The following ITGBL1 variants were observed in gnomAD, a reference collection of about 807,000 sequenced individuals.
ITGBL1 encodes integrin subunit beta like 1.
A neutral mutation model predicts 68.5 loss-of-function variants in ITGBL1; 51 were observed. That is an observed-to-expected ratio of 0.74 (90% CI 0.59 to 0.94). The LOEUF (loss-of-function observed/expected upper bound fraction) is 0.94, where lower values mean the gene tolerates loss of function less well. ITGBL1 is among the 40% of genes least tolerant of loss of function. The pLI is 0.00. For missense variants in ITGBL1, 649 were observed against 647.4 expected (o/e 1.00, Z -0.03); for synonymous variants, 209 against 227.3 (o/e 0.92, Z 0.72).
chr13:101,688,677 G>C (rs1442866657), intron 7 of ITGBL1, among the ~76,000 whole-genome samples: 1 of 152,038 alleles, frequency 6.6e-6, no homozygotes, highest in Non-Finnish European at 1.5e-5. Context: ...AAGAAGAGTA[G>C]GTTTGTGAAT....
intron 7 of ITGBL1, among the ~76,000 whole-genome samples, chr13:101,605,896 G>C (rs1037754701): frequency 1.4e-5 from 2 of 147,844 alleles, no homozygotes; most frequent in African/African-American, 4.9e-5. Context: ...ACATGTATGC[G>C]TGCATGTGTA....
chr13:101,545,393 G>C (rs375597092), intron 2 of ITGBL1, among the ~76,000 whole-genome samples: 52 of 152,222 alleles, frequency 3.4e-4, no homozygotes, highest in African/African-American at 1.3e-3. Context: ...AAGTAATCAA[G>C]TGTTACACCA....
chr13:101,659,105 G>A (rs953983001), intron 7 of ITGBL1, among the ~76,000 whole-genome samples: 3 of 146,318 alleles, frequency 2.1e-5, no homozygotes, highest in African/African-American at 5.1e-5. Context: ...GAGCTGGAGT[G>A]CAGTGGGGCG....
At chr13:101,656,625 T>C (rs926766000) in intron 7 of ITGBL1, among the ~76,000 whole-genome samples, 2 of 152,160 alleles carry the variant, frequency 1.3e-5, no homozygotes. Flanking sequence ...TGCATTTTCA[T>C]AAAAAAGTAA....
chr13:101,679,877 A>G (rs2033600476), intron 7 of ITGBL1, among the ~76,000 whole-genome samples: 1 of 152,198 alleles, frequency 6.6e-6, no homozygotes. Flanking sequence ...TAAGACAGAG[A>G]AGAGAAAATT....
intron 8 of ITGBL1, among the ~76,000 whole-genome samples, chr13:101,704,439 G>A (rs1281653288): frequency 8.7e-6 from 1 of 114,638 alleles, no homozygotes; most frequent in African/African-American, 3.2e-5. Context: ...TAAAAAAGAT[G>A]ATTAAAGATA....
In ITGBL1 at chr13:101,697,101, T is replaced by C. The variant is rs1718031295; in HGVS notation, c.1132+4400T>C. 2.0e-5 allele frequency among the ~76,000 whole-genome samples: 3 copies of C among 152,046 alleles called. No individual in the cohort carries two copies. In the South Asian group the frequency reaches 6.2e-4, roughly 32 times the overall value. ...CTTCTGTACCCATCATTAGAAAGGA[T>C]TTTTTTCACATATTACTTACTCATG... On this transcript the variant is annotated intron_variant, in intron 8 of 10. Coordinates refer to ENST00000376180, the MANE Select transcript of ITGBL1 (RefSeq NM_004791.3).
intron 2 of ITGBL1, among the ~76,000 whole-genome samples, chr13:101,460,017 C>G (rs2048297004): frequency 6.6e-6 from 1 of 152,074 alleles, no homozygotes; most frequent in African/African-American, 2.4e-5. Context: ...CTTCCAATTG[C>G]ATTTTTCTTA....
At chr13:101,600,179 A>G (rs1385659934) in intron 7 of ITGBL1, among the ~76,000 whole-genome samples, 2 of 152,062 alleles carry the variant, frequency 1.3e-5, no homozygotes, top group Admixed American at 1.3e-4. Flanking sequence ...ATTGCTAGGT[A>G]TTTTATTCTC....
At chr13:101,568,970 T>C (rs1471543941) in intron 3 of ITGBL1, among the ~76,000 whole-genome samples, 1 of 151,134 alleles carries the variant, frequency 6.6e-6, no homozygotes, top group African/African-American at 2.4e-5. Flanking sequence ...ACTTCAGTCT[T>C]TCTTTCTTCT....
At chr13:101,474,679 G>A (rs531663219) in intron 2 of ITGBL1, among the ~76,000 whole-genome samples, 2 of 152,238 alleles carry the variant, frequency 1.3e-5, no homozygotes, top group South Asian at 4.2e-4. Flanking sequence ...GTTGCAACAG[G>A]GGTGCTTGTG....
intron 7 of ITGBL1, among the ~76,000 whole-genome samples, chr13:101,601,441 T>A (rs779686617): frequency 1.3e-4 from 20 of 152,322 alleles, no homozygotes; most frequent in African/African-American, 2.6e-4. Flanking sequence ...TTCCTTCAGT[T>A]CTGCTCTGAT....
intron 3 of ITGBL1, among the ~76,000 whole-genome samples, chr13:101,569,156 T>A (rs944035490): frequency 6.6e-6 from 1 of 151,944 alleles, no homozygotes; most frequent in Admixed American, 6.6e-5. Flanking sequence ...GCGTCTTTCA[T>A]CTTGAAAAAA....
At chr13:101,572,579 A>G (rs2050290917) in intron 3 of ITGBL1, among the ~76,000 whole-genome samples, 1 of 152,038 alleles carries the variant, frequency 6.6e-6, no homozygotes, top group Admixed American at 6.6e-5. Flanking sequence ...CACGAGAGAG[A>G]AGCTGTGTGT....
chr13:101,562,862 C>T (rs147945264), intron 2 of ITGBL1, among the ~76,000 whole-genome samples: 1 of 151,566 alleles, frequency 6.6e-6, no homozygotes, highest in Non-Finnish European at 1.5e-5. Context: ...TTAAAATGCA[C>T]AAGGAAAATT....
intron 7 of ITGBL1, among the ~76,000 whole-genome samples, chr13:101,672,009 T>C (rs767220581): frequency 2.0e-5 from 3 of 152,198 alleles, no homozygotes; most frequent in Non-Finnish European, 4.4e-5. Context: ...CTTTTTAGTC[T>C]CAAGAGATAT....
chr13:101,494,575 A>G (rs1160342342), intron 2 of ITGBL1, among the ~76,000 whole-genome samples: 2 of 152,216 alleles, frequency 1.3e-5, no homozygotes, highest in Non-Finnish European at 2.9e-5. Flanking sequence ...TCTTAAGACA[A>G]TAATCCAGAA....
intron 7 of ITGBL1, among the ~76,000 whole-genome samples, chr13:101,666,244 G>T (rs770982425): frequency 6.6e-6 from 1 of 152,118 alleles, no homozygotes; most frequent in Non-Finnish European, 1.5e-5. Context: ...CCAACTGAAT[G>T]AACCCTTTGT....
intron 2 of ITGBL1, among the ~76,000 whole-genome samples, chr13:101,556,557 C>T (rs1027567183): frequency 1.3e-5 from 2 of 152,048 alleles, no homozygotes; most frequent in Non-Finnish European, 2.9e-5. Flanking sequence ...GCTTGAACTC[C>T]AGAGGCGGAG....
Sources: allele counts gnomAD v4.1 joint callset (sites outside exome capture counted in the v4.1 genomes callset), GRCh38; gene constraint gnomAD v4.1.1; transcripts MANE v1.5; gene names NCBI Gene and HGNC (gene_info 2026-07-23, HGNC 2026-07-21).